The following POLN variants were observed in gnomAD, a reference collection of about 807,000 sequenced individuals.
POLN encodes DNA polymerase N.
Under a neutral mutation model 113.5 loss-of-function variants are expected in POLN, and 108 were observed. That is an observed-to-expected ratio of 0.95 (90% confidence interval 0.81 to 1.12). The LOEUF (loss-of-function observed/expected upper bound fraction) is 1.12, where lower values mean the gene tolerates loss of function less well. Among genes scored for constraint, POLN ranks in the 50% most tolerant of loss-of-function variants. The probability of loss-of-function intolerance (pLI) is 0.00; values close to 1 mark genes in which losing one functional copy is unlikely to be tolerated. For missense variants in POLN, 1,097 were observed against 1,077.1 expected, an observed-to-expected ratio of 1.02 and a Z score of -0.26; for synonymous variants, 386 against 391.5, an observed-to-expected ratio of 0.99 and a Z score of 0.17.
At chr4:2,239,242 A>C (rs1419543730) in intron 2 of POLN, among the ~76,000 whole-genome samples, 1 of 152,248 alleles carries the variant, frequency 6.6e-6, no homozygotes, top group African/African-American at 2.4e-5. Flanking sequence ...ACTAAATTTT[A>C]CTGCTATTAC....
chr4:2,101,611 C>T (rs1325273379), intron 19 of POLN, among the ~76,000 whole-genome samples: 4 of 152,238 alleles, frequency 2.6e-5, no homozygotes, highest in African/African-American at 4.8e-5. Context: ...GTCCCACGTC[C>T]TTCCTAAGAC....
intron 19 of POLN, among the ~76,000 whole-genome samples, chr4:2,119,261 A>G (rs1270112908): frequency 1.3e-5 from 2 of 152,248 alleles, no homozygotes; most frequent in Non-Finnish European, 2.9e-5. Context: ...TGCACAGCTG[A>G]TAAGAATTGT....
chr4:2,174,211 G>A (rs1441173690), intron 10 of POLN, among the ~76,000 whole-genome samples, 192 bp from the exon 11 acceptor site: 1 of 152,232 alleles, frequency 6.6e-6, no homozygotes, highest in Admixed American at 6.5e-5. Context: ...CGCATTGACA[G>A]AGCTGGCCTT....
At chr4:2,159,030 A>C (rs1273322807) in intron 14 of POLN, 125 bp downstream of exon 14, 1 of 765,882 alleles carries the variant, frequency 1.3e-6, no homozygotes, top group South Asian at 1.6e-5. Context: ...ACCTGACAAA[A>C]CTCTATTCCC....
At chr4:2,123,978 ATAT>A (rs1226228368) in intron 19 of POLN, among the ~76,000 whole-genome samples, 10 of 152,234 alleles carry the variant, frequency 6.6e-5, no homozygotes. Context: ...TATATAGAAT[ATAT>A]TATTCCATAT....
At chr4:2,182,571 T>C (rs1022738148) in intron 7 of POLN, among the ~76,000 whole-genome samples, 11 of 152,080 alleles carry the variant, frequency 7.2e-5, no homozygotes, top group African/African-American at 4.8e-5. Context: ...TGTAAGAAAA[T>C]AAATTTTTGT....
At chr4:2,094,353 G>T (rs1337033971) in intron 20 of POLN, among the ~76,000 whole-genome samples, 2 of 784 alleles carry the variant, frequency 2.6e-3, no homozygotes, top group Non-Finnish European at 8.8e-3. Context: ...ATAGAGCAAG[G>T]TTCTGTCTCC....
intron 2 of POLN, chr4:2,238,541 C>T (rs748573609): frequency 1.8e-6 from 2 of 1,081,910 alleles, no homozygotes; most frequent in Non-Finnish European, 2.5e-6. Context: ...AGCTCAAACT[C>T]TCTCTAGTAT....
chr4:2,211,308 GT>G (rs1290922835), intron 4 of POLN, among the ~76,000 whole-genome samples: 2 of 148,438 alleles, frequency 1.3e-5, no homozygotes, highest in African/African-American at 4.9e-5. Flanking sequence ...TAAGAGGATT[GT>G]GGATATCAAG....
intron 16 of POLN, among the ~76,000 whole-genome samples, chr4:2,146,363 C>T (rs1732139314): frequency 6.6e-6 from 1 of 152,128 alleles, no homozygotes; most frequent in Non-Finnish European, 1.5e-5. Context: ...AAAAAATTAG[C>T]CAGGCGTGGT....
chr4:2,136,488 C>A (rs1200722902), intron 16 of POLN, among the ~76,000 whole-genome samples: 1 of 152,212 alleles, frequency 6.6e-6, no homozygotes, highest in Non-Finnish European at 1.5e-5. Context: ...CATCTGTTTT[C>A]ATGGTGAACT....
intron 20 of POLN, chr4:2,090,445 T>C (rs1214279382): frequency 1.0e-5 from 6 of 589,988 alleles, no homozygotes; most frequent in Non-Finnish European, 1.9e-5. Context: ...CAGATCTTCA[T>C]GATCGTATTC....
At chr4:2,193,152 G>C in intron 7 of POLN, 52 bp downstream of exon 7, 1 of 1,335,392 alleles carries the variant, frequency 7.5e-7, no homozygotes, top group Non-Finnish European at 1.1e-6. Flanking sequence ...ATTCATAGGA[G>C]GAGTCACAGT....
At chr4:2,214,379 G>T (rs1004780537) in intron 3 of POLN, among the ~76,000 whole-genome samples, 2 of 152,140 alleles carry the variant, frequency 1.3e-5, no homozygotes, top group Non-Finnish European at 2.9e-5. Flanking sequence ...AATTAATAGG[G>T]CTGGTATAAC....
At chr4:2,205,344 T>C (rs1376699628) in intron 5 of POLN, among the ~76,000 whole-genome samples, 3 of 151,964 alleles carry the variant, frequency 2.0e-5, no homozygotes, top group African/African-American at 7.2e-5. Flanking sequence ...TTACAATAGC[T>C]GCAAAAAAAT....
chr4:2,200,216 G>A (rs1733678627), intron 5 of POLN, among the ~76,000 whole-genome samples: 1 of 152,062 alleles, frequency 6.6e-6, no homozygotes, highest in Non-Finnish European at 1.5e-5. Context: ...ATACCCAAAA[G>A]AATCTTGAAA....
chr4:2,231,742 T>A, intron 2 of POLN: 1 of 450,990 alleles, frequency 2.2e-6, no homozygotes, highest in Admixed American at 4.5e-5. Flanking sequence ...CATGCTCAAG[T>A]CATAAAAAGC....
chr4:2,090,380 G>T, intron 20 of POLN: 1 of 668,044 alleles, frequency 1.5e-6, no homozygotes, highest in South Asian at 2.1e-5. Context: ...GAATAAAAAC[G>T]AGCTTGATTA....
Position 2,131,253 on chromosome 4 carries a change from G to C in POLN, c.1769C>G (p.Thr590Ser), listed in dbSNP as rs773772143. The C allele has an allele frequency of 1.3e-6, 2 of 1,592,796 alleles. No individual in the cohort carries two copies. The highest frequency in any genetic ancestry group is 2.2e-5 in the East Asian group (1 of 44,624). The change falls in exon 17 of 26, where the codon ACT becomes AGT. Residue 590 changes from threonine to serine, a missense_variant. Coordinates refer to ENST00000511885, the MANE Select transcript of POLN (RefSeq NM_181808.4). The stretch of plus-strand genomic sequence containing the variant: ...GTTACCTTTAAAATTCTTAGGTGTA[G>C]TAATCTGAATTGGGTGCTTGGAGAT... ...QGISKHPIQI[T>S]TPKNFKGKED...
Sources: allele counts gnomAD v4.1 joint callset (sites outside exome capture counted in the v4.1 genomes callset), GRCh38; gene constraint gnomAD v4.1.1; transcripts MANE v1.5; gene names NCBI Gene and HGNC (gene_info 2026-07-23, HGNC 2026-07-21).